NCK1: variants seen among roughly 807,000 people sequenced by gnomAD.
NCK1 encodes the protein SH2/SH3 adapter protein NCK1.
Under a neutral mutation model 36.6 loss-of-function variants are expected in NCK1, and 19 were observed. That is an observed-to-expected ratio of 0.52 (90% CI 0.36 to 0.76). The LOEUF is 0.76. NCK1 is among the 30% of genes least tolerant of loss of function. The pLI is 0.00. For synonymous variants in NCK1, 165 were observed against 156.0 expected (o/e 1.06, Z -0.43); for missense variants, 358 against 445.6 (o/e 0.80, Z 1.77).
intron 2 of NCK1, among the ~76,000 whole-genome samples, chr3:136,931,608 A>G (rs1940392635): frequency 1.3e-5 from 2 of 152,166 alleles, no homozygotes; most frequent in Non-Finnish European, 1.5e-5. Flanking sequence ...TGAAGAACTT[A>G]CTTATTTGCT....
intron 1 of NCK1, among the ~76,000 whole-genome samples, chr3:136,878,613 G>A (rs896203106): frequency 8.5e-5 from 13 of 152,074 alleles, no homozygotes; most frequent in South Asian, 2.1e-4. Context: ...ATTCATTGTG[G>A]TAATAGTTGC....
intron 1 of NCK1, among the ~76,000 whole-genome samples, chr3:136,874,223 T>C (rs1348611897): frequency 3.9e-5 from 6 of 152,238 alleles, no homozygotes; most frequent in Non-Finnish European, 8.8e-5. Flanking sequence ...TCACCCAGGC[T>C]GGAGTGCAGT....
At position 136,896,194 on chromosome 3, in the gene NCK1, A is replaced by G. The variant is rs576870354; in HGVS notation, c.-18-31790A>G. ...TTTGAAATACACAGTTTTGCTAGCT[A>G]TAGTCACCTTAGTCTGCTATAGAAT... is the stretch of plus-strand genomic sequence containing the variant. On this transcript the variant is annotated intron_variant, in intron 1 of 3. Transcript: ENST00000481752. 2.6e-5 allele frequency among the ~76,000 whole-genome samples: 4 copies of G among 152,258 alleles called. No homozygotes were observed. In the South Asian group the frequency reaches 8.3e-4, roughly 32 times the overall value.
chr3:136,875,804 T>C (rs1482741540), intron 1 of NCK1, among the ~76,000 whole-genome samples: 1 of 149,994 alleles, frequency 6.7e-6, no homozygotes, highest in Non-Finnish European at 1.5e-5. Flanking sequence ...CAAGTGGACC[T>C]AATAGACATC....
intron 1 of NCK1, among the ~76,000 whole-genome samples, chr3:136,903,957 T>G (rs1939614441): frequency 6.6e-6 from 1 of 152,162 alleles, no homozygotes; most frequent in Non-Finnish European, 1.5e-5. Context: ...TTTTTGTGTT[T>G]TTGTGATGGT....
At chr3:136,904,489 A>C (rs1305400429) in intron 1 of NCK1, among the ~76,000 whole-genome samples, 1 of 152,074 alleles carries the variant, frequency 6.6e-6, no homozygotes, top group East Asian at 1.9e-4. Flanking sequence ...TTCATTCTCT[A>C]CTGGCCTATA....
Position 136,945,641 on chromosome 3 carries a change from T to C in NCK1, c.285T>C (p.Asp95=). The C allele has an allele frequency of 6.2e-7, 1 of 1,614,056 alleles. No individual in the cohort carries two copies. The highest frequency in any genetic ancestry group is 8.5e-7 in the Non-Finnish European group (1 of 1,179,958). ...SVPDSASPAD[D]SFVDPGERLY... is the part of the protein sequence containing the mutation. Reference sequence around the variant, plus strand: ...CAGATTCTGCATCTCCTGCTGATGATAGTTTTGTTGACCCAGGGGAACGTC... The same window carrying C: ...CAGATTCTGCATCTCCTGCTGATGACAGTTTTGTTGACCCAGGGGAACGTC... The change falls in exon 3 of 4, where the codon GAT becomes GAC. Residue 95 remains aspartate, a synonymous_variant. Coordinates refer to ENST00000481752, the MANE Select transcript of NCK1 (RefSeq NM_001291999.2).
intron 1 of NCK1, among the ~76,000 whole-genome samples, chr3:136,895,121 C>T (rs1425922190): frequency 2.0e-5 from 3 of 152,236 alleles, no homozygotes; most frequent in Middle Eastern, 3.4e-3. Flanking sequence ...GTTATCCACC[C>T]GCCTCGGCCT....
chr3:136,885,114 G>A (rs1939043815), intron 1 of NCK1, among the ~76,000 whole-genome samples: 1 of 152,066 alleles, frequency 6.6e-6, no homozygotes, highest in Admixed American at 6.6e-5. Flanking sequence ...ATTTTTAGAG[G>A]TATACACCGA....
Position 136,948,799 on chromosome 3 carries a change from T to G in NCK1, c.*346T>G, listed in dbSNP as rs1319994584. The G allele has an allele frequency of 6.3e-6, 1 of 158,684 alleles. No individual in the cohort carries two copies. The highest frequency in any genetic ancestry group is 2.4e-5 in the African/African-American group (1 of 41,672). The allele number at this position is 158,684 out of a possible 1,614,324, so 9.8% of individuals were successfully genotyped here. A position where few individuals can be genotyped will look rare whatever the true frequency, so the allele number is the denominator to read the frequency against. On this transcript the variant is annotated 3_prime_UTR_variant, in exon 4 of 4. Coordinates refer to ENST00000481752, the MANE Select transcript of NCK1 (RefSeq NM_001291999.2). Reference sequence around the variant, plus strand: ...AATCCTTTATTGCCTTTCCTTTGTTTCCTTGTAAAGGCACCCTGTTCTGTT... The same window carrying G: ...AATCCTTTATTGCCTTTCCTTTGTTGCCTTGTAAAGGCACCCTGTTCTGTT...
In NCK1 at chr3:136,922,831, A is replaced by T. The variant is rs997480874; in HGVS notation, c.-18-5153A>T. ...CAGCATTCTTCTATGATTCTAACCC[A>T]AAGGTACACTAACAGAAAATCAAAA... On this transcript the variant is annotated intron_variant, in intron 1 of 3. Coordinates refer to ENST00000481752, the MANE Select transcript of NCK1 (RefSeq NM_001291999.2). Among the ~76,000 whole-genome samples, 4 of 152,378 alleles carry T rather than the reference A, an allele frequency of 2.6e-5. No individual in the cohort carries two copies. The East Asian group carries it at 7.7e-4, about 29-fold the overall frequency.
chr3:136,881,576 G>T (rs927993286), intron 1 of NCK1, among the ~76,000 whole-genome samples: 1 of 152,114 alleles, frequency 6.6e-6, no homozygotes, highest in Non-Finnish European at 1.5e-5. Flanking sequence ...ACCATTTTAA[G>T]TATACAGTTC....
At chr3:136,899,419 CTTTTTTT>C (rs34828302) in intron 1 of NCK1, 2 of 197,876 alleles carry the variant, frequency 1.0e-5, no homozygotes, top group Non-Finnish European at 2.1e-5. Context: ...CATTTCTTTT[CTTTTTTT>C]TTTTTTTAAA....
At chr3:136,937,017 A>C (rs1265050286) in intron 2 of NCK1, among the ~76,000 whole-genome samples, 1 of 152,166 alleles carries the variant, frequency 6.6e-6, no homozygotes, top group South Asian at 2.1e-4. Flanking sequence ...TTATGCTTTT[A>C]GTGTCAGTAT....
chr3:136,909,407 C>A (rs1939776768), intron 1 of NCK1, among the ~76,000 whole-genome samples: 1 of 152,174 alleles, frequency 6.6e-6, no homozygotes, highest in Non-Finnish European at 1.5e-5. Flanking sequence ...CTAAAAACCA[C>A]GTGTATGATA....
intron 1 of NCK1, among the ~76,000 whole-genome samples, chr3:136,864,466 C>T (rs1938351442): frequency 6.7e-6 from 1 of 150,344 alleles, no homozygotes. Flanking sequence ...TCCAGCCTGG[C>T]AACAGAGCAA....
At position 136,888,505 on chromosome 3, in the gene NCK1, T is replaced by C. The variant is rs1255886327; in HGVS notation, c.-19+26152T>C. 5.9e-5 allele frequency among the ~76,000 whole-genome samples: 9 copies of C among 151,332 alleles called. No individual in the cohort carries two copies. In the East Asian group the frequency reaches 7.9e-4, roughly 13 times the overall value. ...GCAACCTCTGCCTCCCAGGTTTAAG[T>C]GATTCTCCTGCCTCAGCCTCCGCAG... is the stretch of plus-strand genomic sequence containing the variant. On this transcript the variant is annotated intron_variant, in intron 1 of 3. Coordinates refer to ENST00000481752, the MANE Select transcript of NCK1 (RefSeq NM_001291999.2).
chr3:136,935,182 G>T (rs1940499088), intron 2 of NCK1, among the ~76,000 whole-genome samples: 1 of 152,122 alleles, frequency 6.6e-6, no homozygotes, highest in Non-Finnish European at 1.5e-5. Context: ...ATTACAGTGT[G>T]AGCCCCCGTG....
Position 136,928,070 on chromosome 3 carries a change from C to T in NCK1, c.69C>T (p.Ile23=). ...CCCAACAAGAACAAGAGTTGGACAT[C>T]AAGAAGAATGAGAGATTATGGCTTC... ...YVAQQEQELD[I]KKNERLWLLD... is the part of the protein sequence containing the mutation. The change falls in exon 2 of 4, where the codon ATC becomes ATT. Residue 23 remains isoleucine, a synonymous_variant. Transcript: ENST00000481752. 1 of 1,614,084 alleles carries T rather than the reference C, an allele frequency of 6.2e-7. No individual in the cohort carries two copies. The highest frequency in any genetic ancestry group is 8.5e-7 in the Non-Finnish European group (1 of 1,180,012).
Sources: allele counts gnomAD v4.1 joint callset (sites outside exome capture counted in the v4.1 genomes callset), GRCh38; gene constraint gnomAD v4.1.1; transcripts MANE v1.5; gene names NCBI Gene and HGNC (gene_info 2026-07-23, HGNC 2026-07-21).